PDE7A: variants seen among roughly 807,000 people sequenced by gnomAD.
PDE7A encodes the protein high affinity 3',5'-cyclic-AMP phosphodiesterase 7A.
Under a neutral mutation model 64.3 loss-of-function variants are expected in PDE7A, and 39 were observed. The observed-to-expected ratio is 0.61, with a 90% CI of 0.47 to 0.79. The LOEUF (loss-of-function observed/expected upper bound fraction) is 0.79, where lower values mean the gene tolerates loss of function less well. Among genes scored for constraint, PDE7A ranks in the 30% least tolerant of loss-of-function variants. PDE7A has a pLI of 0.00. For synonymous variants in PDE7A, 203 were observed against 206.8 expected (o/e 0.98, Z 0.16); for missense variants, 470 against 582.8 (o/e 0.81, Z 1.99).
intron 1 of PDE7A, among the ~76,000 whole-genome samples, chr8:65,819,107 T>C (rs1355321309): frequency 1.3e-5 from 2 of 152,266 alleles, no homozygotes; most frequent in Non-Finnish European, 2.9e-5. Context: ...TTTACAAAAG[T>C]AATGTAAGGG....
rs1351577643 is a variant in PDE7A, at chr8:65,715,904, G to A, written c.*3386C>T. On this transcript the variant is annotated 3_prime_UTR_variant, in exon 13 of 13. Transcript: ENST00000401827. ...CTGGGAGACTGAGGCAGGAGAATGA[G>A]GAGAATGGCGTGAACCCGGGAGGCG... is the stretch of plus-strand genomic sequence containing the variant. Among the ~76,000 whole-genome samples the A allele has an allele frequency of 1.4e-5, 2 of 147,116 alleles. No homozygotes were observed. The highest frequency in any genetic ancestry group is 2.5e-5 in the African/African-American group (1 of 40,186).
chr8:65,771,748 G>A (rs1809095929), intron 3 of PDE7A, among the ~76,000 whole-genome samples: 1 of 151,916 alleles, frequency 6.6e-6, no homozygotes, highest in African/African-American at 2.4e-5. Flanking sequence ...GGTGGTGGGT[G>A]CCTGTAATCC....
chr8:65,787,381 G>A (rs537142092), intron 1 of PDE7A, among the ~76,000 whole-genome samples: 40 of 152,148 alleles, frequency 2.6e-4, no homozygotes, highest in African/African-American at 9.4e-4. Flanking sequence ...CAACATTACC[G>A]AAAAAATAAT....
chr8:65,837,479 C>T (rs1450257012), intron 1 of PDE7A, among the ~76,000 whole-genome samples: 2 of 152,318 alleles, frequency 1.3e-5, no homozygotes, highest in South Asian at 2.1e-4. Context: ...CAAGTCTAAA[C>T]ACAAAGTTCA....
At chr8:65,827,934 C>T (rs1287304345) in intron 1 of PDE7A, among the ~76,000 whole-genome samples, 2 of 152,112 alleles carry the variant, frequency 1.3e-5, no homozygotes, top group African/African-American at 2.4e-5. Flanking sequence ...CTCTGAACAC[C>T]TTCTATGTGC....
rs1806481730 is a variant in PDE7A, at chr8:65,723,565, C to T, written c.1219G>A (p.Glu407Lys). ...CCAATCTGGATGTTGGCAATAGATT[C>T]AGTGTGACGATCGCAAAGTGGACTC... is the stretch of plus-strand genomic sequence containing the variant. ...GVSPLCDRHT[E>K]SIANIQIGFM... Residue 407 changes from glutamate (E) to lysine (K), a missense_variant, in exon 12 of 13, where the codon GAA becomes AAA. Physicochemically the swap from Glu to Lys is moderately conservative, Grantham distance 56 (BLOSUM62 1). Transcript: ENST00000401827. The T allele has an allele frequency of 1.9e-6, 3 of 1,582,644 alleles. No individual in the cohort carries two copies. Among genetic ancestry groups the T allele is most frequent in the South Asian group, 1.2e-5 (1 of 83,554 alleles).
chr8:65,793,458 A>T (rs377757538), intron 1 of PDE7A, among the ~76,000 whole-genome samples: 6 of 149,628 alleles, frequency 4.0e-5, no homozygotes, highest in African/African-American at 1.5e-4. Flanking sequence ...CCTATAAAAC[A>T]ATGAAAATAA....
chr8:65,765,472 G>A (rs34281277), intron 3 of PDE7A: 4 of 102,232 alleles, frequency 3.9e-5, no homozygotes, highest in African/African-American at 1.6e-4. Context: ...CTGGGCGACA[G>A]AGCGAGACTC....
chr8:65,734,857 G>A lies in PDE7A; in HGVS notation c.633C>T (p.Tyr211=). The A allele has an allele frequency of 1.2e-6, 2 of 1,612,436 alleles. No individual in the cohort carries two copies. The highest frequency in any genetic ancestry group is 8.5e-7 in the Non-Finnish European group (1 of 1,178,532). Residue 211 remains tyrosine, a synonymous_variant, in exon 7 of 13, where the codon TAC becomes TAT. Coordinates refer to ENST00000401827, the MANE Select transcript of PDE7A (RefSeq NM_001242318.3). ...CATCCGCAGCGTGGACTGCGTTATG[G>A]TAAGGATTTTGACTGTGGTAATCTT... ...IQEDYHSQNP[Y]HNAVHAADVT... is the part of the protein sequence containing the mutation.
intron 1 of PDE7A, among the ~76,000 whole-genome samples, chr8:65,790,107 C>T (rs965487302): frequency 3.3e-5 from 5 of 152,118 alleles, no homozygotes; most frequent in African/African-American, 7.2e-5. Context: ...ATTGTGCAGA[C>T]GAAGAACAGG....
At chr8:65,745,076 C>T (rs768941421) in intron 5 of PDE7A, among the ~76,000 whole-genome samples, 11 of 152,168 alleles carry the variant, frequency 7.2e-5, no homozygotes, top group Non-Finnish European at 1.5e-4. Flanking sequence ...ATAAGTCTAA[C>T]GAGATCTGAT....
chr8:65,769,767 T>C (rs1468339236), intron 3 of PDE7A, among the ~76,000 whole-genome samples: 2 of 152,074 alleles, frequency 1.3e-5, no homozygotes, highest in African/African-American at 2.4e-5. Flanking sequence ...ATGGTAGTGA[T>C]TGCCCGTAAT....
At chr8:65,722,915 A>G (rs975625409) in intron 12 of PDE7A, 6 of 152,200 alleles carry the variant, frequency 3.9e-5, no homozygotes, top group African/African-American at 1.4e-4. Context: ...AAATAACTCT[A>G]CGAGGCACAT....
At chr8:65,788,686 G>C (rs1809624238) in intron 1 of PDE7A, among the ~76,000 whole-genome samples, 1 of 152,080 alleles carries the variant, frequency 6.6e-6, no homozygotes. Flanking sequence ...AAGCCCTTAA[G>C]AAGAAATAAT....
At chr8:65,765,413 C>A (rs909332716) in intron 3 of PDE7A, 3 of 140,108 alleles carry the variant, frequency 2.1e-5, no homozygotes, top group African/African-American at 8.0e-5. Context: ...GGCGTGAACC[C>A]GGGAGGCGGA....
intron 1 of PDE7A, among the ~76,000 whole-genome samples, chr8:65,818,530 CTG>C (rs1253896601): frequency 6.6e-6 from 1 of 152,162 alleles, no homozygotes; most frequent in African/African-American, 2.4e-5. Context: ...TCAACAGAGA[CTG>C]TGTTCAAATA....
At chr8:65,796,133 T>TAA (rs58859673) in intron 1 of PDE7A, among the ~76,000 whole-genome samples, 3 of 137,054 alleles carry the variant, frequency 2.2e-5, no homozygotes, top group Non-Finnish European at 3.2e-5. Context: ...AAATAAAAAC[T>TAA]AAAAAAAAAA....
chr8:65,839,628 T>C (rs1160888592), intron 1 of PDE7A, among the ~76,000 whole-genome samples: 1 of 152,192 alleles, frequency 6.6e-6, no homozygotes, highest in Non-Finnish European at 1.5e-5. Context: ...GGTTCAGAAA[T>C]TTTTTTAAAA....
chr8:65,814,572 T>C (rs201328852), intron 1 of PDE7A, among the ~76,000 whole-genome samples: 1 of 125,700 alleles, frequency 8.0e-6, no homozygotes, highest in Non-Finnish European at 1.6e-5. Context: ...TACGTACACA[T>C]ATAATACATA....
Sources: allele counts gnomAD v4.1 joint callset (sites outside exome capture counted in the v4.1 genomes callset), GRCh38; gene constraint gnomAD v4.1.1; transcripts MANE v1.5; gene names NCBI Gene and HGNC (gene_info 2026-07-23, HGNC 2026-07-21).